The following COMMD10 variants were observed in gnomAD, a reference collection of about 807,000 sequenced individuals.
COMMD10 encodes the protein COMM domain-containing protein 10.
Under a neutral mutation model 28.9 loss-of-function variants are expected in COMMD10, and 33 were observed. That is an observed-to-expected ratio of 1.14 (90% CI 0.87 to 1.53). COMMD10 has a LOEUF of 1.53. Among genes scored for constraint, COMMD10 ranks in the 40% most tolerant of loss-of-function variants. The pLI is 0.00. For missense variants in COMMD10, 310 were observed against 233.4 expected (o/e 1.33, Z -2.14); for synonymous variants, 110 against 81.7 (o/e 1.35, Z -1.87).
chr5:116,132,069 G>A (rs1751879874), intron 4 of COMMD10, among the ~76,000 whole-genome samples: 2 of 151,936 alleles, frequency 1.3e-5, no homozygotes, highest in African/African-American at 4.8e-5. Flanking sequence ...GATGGGACGA[G>A]GTTCTATAGG....
intron 5 of COMMD10, among the ~76,000 whole-genome samples, chr5:116,211,870 T>TA (rs1440704008): frequency 6.6e-6 from 1 of 152,126 alleles, no homozygotes; most frequent in Non-Finnish European, 1.5e-5. Flanking sequence ...GAAACATACA[T>TA]ACAAAACAAT....
At chr5:116,250,263 G>C (rs1184381683) in intron 5 of COMMD10, among the ~76,000 whole-genome samples, 1 of 151,698 alleles carries the variant, frequency 6.6e-6, no homozygotes, top group Non-Finnish European at 1.5e-5. Flanking sequence ...TTCACTAGAT[G>C]GATTGGTTTT....
chr5:116,268,195 A>C (rs1297150582), intron 5 of COMMD10, among the ~76,000 whole-genome samples: 1 of 151,954 alleles, frequency 6.6e-6, no homozygotes, highest in African/African-American at 2.4e-5. Flanking sequence ...TTTGCAATCT[A>C]CCCATCTGAC....
At chr5:116,170,739 G>C (rs1322323845) in intron 5 of COMMD10, among the ~76,000 whole-genome samples, 1 of 152,042 alleles carries the variant, frequency 6.6e-6, no homozygotes, top group African/African-American at 2.4e-5. Context: ...ATGGGGAAAG[G>C]GTATTCTATT....
chr5:116,121,110 C>T (rs1751416486), intron 4 of COMMD10, among the ~76,000 whole-genome samples: 1 of 152,062 alleles, frequency 6.6e-6, no homozygotes, highest in African/African-American at 2.4e-5. Flanking sequence ...TTAGATATTT[C>T]TCCTAATGCT....
chr5:116,109,555 C>T (rs562063780), intron 4 of COMMD10, among the ~76,000 whole-genome samples: 71 of 152,306 alleles, frequency 4.7e-4, no homozygotes, highest in African/African-American at 1.7e-3. Flanking sequence ...GATAGTGCCA[C>T]TGCACTCCAG....
In COMMD10 at chr5:116,130,212, C is replaced by T. The variant is rs144397852; in HGVS notation, c.400-3856C>T. Among the ~76,000 whole-genome samples, 855 of 151,846 alleles carry T rather than the reference C, an allele frequency of 5.6e-3. 7 individuals carry two copies. Among genetic ancestry groups the T allele is most frequent in the African/African-American group, 0.02 (816 of 41,458 alleles). On this transcript the variant is annotated intron_variant, in intron 4 of 6. Coordinates refer to ENST00000274458, the MANE Select transcript of COMMD10 (RefSeq NM_016144.4). ...AGATGTAGAATGTGCTTACTGTATG[C>T]GGGACATTATTTTAAGTGCTCCGGG...
chr5:116,097,290 C>T (rs1440378749), intron 4 of COMMD10, among the ~76,000 whole-genome samples: 1 of 151,796 alleles, frequency 6.6e-6, no homozygotes, highest in Non-Finnish European at 1.5e-5. Context: ...GTCTGAAATG[C>T]TTAAATAATA....
chr5:116,144,700 C>T (rs141995316), intron 5 of COMMD10, among the ~76,000 whole-genome samples: 388 of 151,898 alleles, frequency 2.6e-3, no homozygotes, highest in Non-Finnish European at 4.4e-3. Context: ...ATGGACTTCT[C>T]TGATAACCTA....
intron 5 of COMMD10, among the ~76,000 whole-genome samples, chr5:116,286,635 G>A (rs12374551): frequency 6.7e-6 from 1 of 150,264 alleles, no homozygotes; most frequent in African/African-American, 2.4e-5. Context: ...GATTGTATGA[G>A]AATGTGTTTA....
At chr5:116,151,500 G>T (rs1031612975) in intron 5 of COMMD10, among the ~76,000 whole-genome samples, 10 of 151,950 alleles carry the variant, frequency 6.6e-5, no homozygotes, top group African/African-American at 1.9e-4. Flanking sequence ...GGACTCTTTG[G>T]TTGGTAAGCT....
intron 5 of COMMD10, among the ~76,000 whole-genome samples, chr5:116,284,624 A>C (rs905249989): frequency 6.6e-6 from 1 of 151,934 alleles, no homozygotes; most frequent in Admixed American, 6.6e-5. Flanking sequence ...TTATATATAC[A>C]TTGTCAGATT....
chr5:116,258,955 A>G (rs1750364056), intron 5 of COMMD10, among the ~76,000 whole-genome samples: 1 of 151,094 alleles, frequency 6.6e-6, no homozygotes, highest in Admixed American at 6.6e-5. Context: ...TTCTAGATCT[A>G]TCCTCCTTTT....
intron 4 of COMMD10, among the ~76,000 whole-genome samples, chr5:116,120,099 A>C: frequency 6.6e-6 from 1 of 152,116 alleles, no homozygotes; most frequent in East Asian, 1.9e-4. Context: ...TATGGAACCA[A>C]CCTAAGTGCC....
At chr5:116,159,862 G>C (rs577988065) in intron 5 of COMMD10, among the ~76,000 whole-genome samples, 1 of 152,234 alleles carries the variant, frequency 6.6e-6, no homozygotes, top group Admixed American at 6.5e-5. Flanking sequence ...AAACTTAAAT[G>C]TATTGCCTGG....
chr5:116,095,462 T>C (rs889408444), intron 4 of COMMD10, among the ~76,000 whole-genome samples: 2 of 152,206 alleles, frequency 1.3e-5, no homozygotes, highest in African/African-American at 2.4e-5. Flanking sequence ...GTATTTTAAC[T>C]TAACGATAGA....
chr5:116,096,993 T>A (rs6876901), intron 4 of COMMD10, among the ~76,000 whole-genome samples: 10 of 151,850 alleles, frequency 6.6e-5, no homozygotes, highest in African/African-American at 2.2e-4. Context: ...TTCCTTGCAC[T>A]TTAGTAGTCA....
At chr5:116,203,331 G>T (rs910415674) in intron 5 of COMMD10, among the ~76,000 whole-genome samples, 1 of 152,110 alleles carries the variant, frequency 6.6e-6, no homozygotes, top group Non-Finnish European at 1.5e-5. Context: ...ATATTGTCCA[G>T]GAGAACTTCC....
chr5:116,088,307 A>C (rs982686722), intron 2 of COMMD10, among the ~76,000 whole-genome samples: 3 of 152,210 alleles, frequency 2.0e-5, no homozygotes, highest in African/African-American at 7.2e-5. Flanking sequence ...GTGTCTTTCA[A>C]ATCCAAGTTC....
Sources: allele counts gnomAD v4.1 joint callset (sites outside exome capture counted in the v4.1 genomes callset), GRCh38; gene constraint gnomAD v4.1.1; transcripts MANE v1.5; gene names NCBI Gene and HGNC (gene_info 2026-07-23, HGNC 2026-07-21).